The following DLG1 variants were observed in gnomAD, a reference collection of about 807,000 sequenced individuals.
DLG1 encodes the protein disks large homolog 1.
Under a neutral mutation model 123.4 loss-of-function variants are expected in DLG1, and 42 were observed. The ratio of observed to expected loss-of-function variants is 0.34; its 90% CI spans 0.27 to 0.44. The LOEUF (loss-of-function observed/expected upper bound fraction) is 0.44, where lower values mean the gene tolerates loss of function less well. DLG1 is among the 20% of genes least tolerant of loss of function. The pLI is 1.00. For missense variants in DLG1, 942 were observed against 1,082.6 expected, an observed-to-expected ratio of 0.87 and a Z score of 1.82; for synonymous variants, 317 against 356.2, an observed-to-expected ratio of 0.89 and a Z score of 1.24.
chr3:197,275,220 C>T lies in DLG1; in HGVS notation c.318+7459G>A, dbSNP rs142991871. ...AAAAAGAAAAAAGATATTCTCTTAC[C>T]CCACTTAATATGGCTATTATCAAAA... is the stretch of plus-strand genomic sequence containing the variant. On this transcript the variant is annotated intron_variant, in intron 4 of 24. Coordinates refer to ENST00000667157, the MANE Select transcript of DLG1 (RefSeq NM_001366207.1). 2.4e-4 allele frequency among the ~76,000 whole-genome samples: 36 copies of T among 151,840 alleles called. No individual in the cohort carries two copies. The East Asian group carries it at 6.6e-3, about 28-fold the overall frequency.
At chr3:197,045,197 C>T (rs1722074637) in intron 24 of DLG1, among the ~76,000 whole-genome samples, 1 of 81,986 alleles carries the variant, frequency 1.2e-5, no homozygotes, top group African/African-American at 4.9e-5. Context: ...ATGTCAGGTA[C>T]TGTAGTGTAG....
intron 4 of DLG1, among the ~76,000 whole-genome samples, chr3:197,251,376 C>A (rs752877375): frequency 6.6e-6 from 1 of 152,098 alleles, no homozygotes; most frequent in Non-Finnish European, 1.5e-5. Context: ...GGAGGCATCA[C>A]GCTACTTGAC....
chr3:197,123,928 C>T (rs1314793052), intron 11 of DLG1, among the ~76,000 whole-genome samples: 1 of 152,084 alleles, frequency 6.6e-6, no homozygotes, highest in Admixed American at 6.5e-5. Flanking sequence ...AAAATTGGTA[C>T]CCTTACTGAA....
chr3:197,201,540 A>C (rs1725746427), intron 4 of DLG1, among the ~76,000 whole-genome samples: 1 of 152,242 alleles, frequency 6.6e-6, no homozygotes, highest in Non-Finnish European at 1.5e-5. Flanking sequence ...ACACCCAATC[A>C]AGAAGGCAAT....
intron 22 of DLG1, among the ~76,000 whole-genome samples, chr3:197,064,580 A>G (rs1313679332): frequency 2.0e-5 from 3 of 148,720 alleles, no homozygotes; most frequent in Non-Finnish European, 4.5e-5. Context: ...TGAACTATAT[A>G]TTCTGATCTT....
chr3:197,236,706 G>A (rs116695889), intron 4 of DLG1, among the ~76,000 whole-genome samples: 1,817 of 152,248 alleles, frequency 0.012, 40 homozygotes, highest in African/African-American at 0.041. Flanking sequence ...AAGAAAAGTC[G>A]ATTTTCACAG....
chr3:197,188,279 C>G (rs1474410607), intron 5 of DLG1, among the ~76,000 whole-genome samples: 1 of 152,204 alleles, frequency 6.6e-6, no homozygotes, highest in Non-Finnish European at 1.5e-5. Flanking sequence ...GACTTGGCAT[C>G]TTACACATCC....
intron 14 of DLG1, among the ~76,000 whole-genome samples, chr3:197,103,217 T>A (rs183955397): frequency 1.3e-5 from 2 of 152,340 alleles, no homozygotes; most frequent in African/African-American, 4.8e-5. Flanking sequence ...GTATCATACC[T>A]GCCTTCTTAG....
chr3:197,166,589 A>G (rs2149971116), intron 5 of DLG1, among the ~76,000 whole-genome samples: 1 of 152,280 alleles, frequency 6.6e-6, no homozygotes, highest in East Asian at 1.9e-4. Flanking sequence ...TCATTCTGCA[A>G]TTTAAAACAA....
chr3:197,197,730 A>T (rs1018949564), intron 4 of DLG1, among the ~76,000 whole-genome samples: 1 of 152,130 alleles, frequency 6.6e-6, no homozygotes, highest in Non-Finnish European at 1.5e-5. Context: ...CAGGGCTCAC[A>T]CCTCCTGATT....
intron 4 of DLG1, among the ~76,000 whole-genome samples, chr3:197,232,361 T>TA (rs34360912): frequency 0.013 from 1,549 of 121,218 alleles, 29 homozygotes; most frequent in African/African-American, 0.042. Flanking sequence ...CCTTGTCTCT[T>TA]AAAAAAAAAA....
intron 23 of DLG1, among the ~76,000 whole-genome samples, chr3:197,052,281 C>T (rs541986949): frequency 1.3e-5 from 2 of 152,120 alleles, no homozygotes; most frequent in African/African-American, 4.8e-5. Flanking sequence ...AAGACGAAAC[C>T]CCGACTCTAC....
At chr3:197,117,537 T>C (rs1031970215) in intron 12 of DLG1, among the ~76,000 whole-genome samples, 1 of 152,118 alleles carries the variant, frequency 6.6e-6, no homozygotes, top group Non-Finnish European at 1.5e-5. Context: ...AACAAATGAG[T>C]GTATCTTGAC....
intron 4 of DLG1, among the ~76,000 whole-genome samples, chr3:197,248,158 G>A (rs903000119): frequency 2.6e-5 from 4 of 152,048 alleles, no homozygotes; most frequent in African/African-American, 9.7e-5. Flanking sequence ...CCACCCCTGC[G>A]GCTTTTCTTA....
At chr3:197,163,255 G>C (rs1427864298) in intron 5 of DLG1, among the ~76,000 whole-genome samples, 1 of 152,182 alleles carries the variant, frequency 6.6e-6, no homozygotes, top group African/African-American at 2.4e-5. Context: ...TACAATGCTG[G>C]TGGGAAATGT....
chr3:197,160,534 C>T (rs1798383136), intron 5 of DLG1, among the ~76,000 whole-genome samples: 1 of 151,794 alleles, frequency 6.6e-6, no homozygotes. Context: ...TTCATCTATT[C>T]ATTGTTGGTT....
chr3:197,104,472 A>C (rs1765232078), intron 14 of DLG1, among the ~76,000 whole-genome samples: 2 of 152,152 alleles, frequency 1.3e-5, no homozygotes, highest in African/African-American at 4.8e-5. Context: ...GCCTGAGGTC[A>C]GGAGTTTGAG....
chr3:197,090,055 C>T (rs1016710842), intron 15 of DLG1, among the ~76,000 whole-genome samples: 5 of 151,966 alleles, frequency 3.3e-5, no homozygotes, highest in Admixed American at 1.3e-4. Flanking sequence ...TATAGATACA[C>T]GTGTATAGGA....
chr3:197,228,806 GTAA>G (rs879701597), intron 4 of DLG1, among the ~76,000 whole-genome samples: 50 of 152,140 alleles, frequency 3.3e-4, no homozygotes, highest in Non-Finnish European at 3.7e-4. Flanking sequence ...CAATATTTAA[GTAA>G]TAATAATAAA....
Sources: allele counts gnomAD v4.1 joint callset (sites outside exome capture counted in the v4.1 genomes callset), GRCh38; gene constraint gnomAD v4.1.1; transcripts MANE v1.5; gene names NCBI Gene and HGNC (gene_info 2026-07-23, HGNC 2026-07-21).